The following TMEM47 variants were observed in gnomAD, a reference collection of about 807,000 sequenced individuals.
The protein encoded by TMEM47 is transmembrane protein 47, also known as brain cell membrane protein 1.
TMEM47 carries 3 observed loss-of-function variants against 12.4 expected under a neutral mutation model. The ratio of observed to expected loss-of-function variants is 0.24; its 90% CI spans 0.11 to 0.63. The LOEUF (loss-of-function observed/expected upper bound fraction) is 0.63, where lower values mean the gene tolerates loss of function less well. Ranked by LOEUF, TMEM47 falls within the 20% of genes least tolerant of loss-of-function variation. The probability of loss-of-function intolerance (pLI) is 0.86; values close to 1 mark genes in which losing one functional copy is unlikely to be tolerated. For synonymous variants in TMEM47, 62 were observed against 63.3 expected (o/e 0.98, Z 0.10); for missense variants, 89 against 143.8 (o/e 0.62, Z 1.95).
intron 2 of TMEM47, among the ~76,000 whole-genome samples, chrX:34,635,756 C>T: frequency 9.0e-6 from 1 of 111,169 alleles, no homozygotes; most frequent in Middle Eastern, 4.7e-3. Flanking sequence ...AGGGGAAGAC[C>T]AAATTTGGGG....
At chrX:34,631,448 C>T (rs915748370) in intron 2 of TMEM47, among the ~76,000 whole-genome samples, 1 of 111,327 alleles carries the variant, frequency 9.0e-6, no homozygotes, top group Admixed American at 9.6e-5. Context: ...CCACTCTATG[C>T]CTCTTGTCTT....
In TMEM47 at chrX:34,630,385, A is replaced by T; in HGVS notation, c.474T>A (p.Gly158=). ...CACCCCCAAACGAAAATATAGTTGC[A>T]CCCCAGGCCAGGCCATAACCCCAGT... ...EFNWGYGLAW[G]ATIFSFGGAI... is the part of the protein sequence containing the mutation. Residue 158 remains glycine (G), a synonymous_variant, in exon 3 of 3, where the codon GGT becomes GGA. Transcript: ENST00000275954. The T allele has an allele frequency of 8.3e-7, 1 of 1,210,076 alleles. No homozygotes were observed. Among genetic ancestry groups the T allele is most frequent in the Non-Finnish European group, 1.1e-6 (1 of 894,704 alleles).
In TMEM47 at chrX:34,653,119, T is replaced by C. The variant is rs556115084; in HGVS notation, c.226+3685A>G. Among the ~76,000 whole-genome samples the C allele has an allele frequency of 1.5e-4, 17 of 112,044 alleles. No homozygotes were observed. In the South Asian group the frequency reaches 6.3e-3, roughly 42 times the overall value. Reference sequence around the variant, plus strand: ...TATCTTTAACACCTAAGATAGGCTTTCTTATAAATTCCTTTTAAAGTAGCT... The same window carrying C: ...TATCTTTAACACCTAAGATAGGCTTCCTTATAAATTCCTTTTAAAGTAGCT... On this transcript the variant is annotated intron_variant, in intron 1 of 2. Transcript: ENST00000275954.
rs1033322355 is a variant in TMEM47, at chrX:34,627,690, T to G, written c.*2623A>C. ...GTGTGTGAGTATATATATGTGTGTA[T>G]ATCTATATCTATAGATGTAGATCTA... On this transcript the variant is annotated 3_prime_UTR_variant, in exon 3 of 3. Coordinates refer to ENST00000275954, the MANE Select transcript of TMEM47 (RefSeq NM_031442.4). 2.7e-4 allele frequency: 30 copies of G among 112,247 alleles called. No homozygotes were observed. The highest frequency in any genetic ancestry group is 7.1e-4 in the African/African-American group (22 of 30,919). 9.3% of individuals were successfully genotyped at this position (112,247 alleles called of 1,213,427 possible). A position where few individuals can be genotyped will look rare whatever the true frequency, so the allele number is the denominator to read the frequency against.
Position 34,629,806 on chromosome X carries a change from C to T in TMEM47, c.*507G>A. 1 of 112,037 alleles carries T rather than the reference C, an allele frequency of 8.9e-6. No individual in the cohort carries two copies. The highest frequency in any genetic ancestry group is 4.6e-3 in the Middle Eastern group (1 of 219). The allele number at this position is 112,037 out of a possible 1,213,427, so 9.2% of individuals were successfully genotyped here. On this transcript the variant is annotated 3_prime_UTR_variant, in exon 3 of 3. Coordinates refer to ENST00000275954, the MANE Select transcript of TMEM47 (RefSeq NM_031442.4). Reference sequence around the variant, plus strand: ...TATCATTAACCAGTTACATTCACAACTCCCATTAGATGCTGAAGGGCAGTT... The same window carrying T: ...TATCATTAACCAGTTACATTCACAATTCCCATTAGATGCTGAAGGGCAGTT...
chrX:34,642,987 G>A (rs188987022), intron 1 of TMEM47, among the ~76,000 whole-genome samples: 240 of 111,796 alleles, frequency 2.1e-3, no homozygotes, highest in Middle Eastern at 9.3e-3. Context: ...GGCTATCATA[G>A]TCAAGGAGGT....
chrX:34,656,654 G>T lies in TMEM47; in HGVS notation c.226+150C>A. 2.9e-6 allele frequency: 3 copies of T among 1,040,639 alleles called. No homozygotes were observed. In the South Asian group the frequency reaches 7.3e-5, roughly 25 times the overall value. The allele number at this position is 1,040,639 out of a possible 1,213,427, so 85.8% of individuals were successfully genotyped here. ...GGGGTGGATGCCAGGGAGGTGGCGGGAGCCCCAGGATCCGAGAAGGGCCTG... is the reference window on the plus strand; with the variant it reads ...GGGGTGGATGCCAGGGAGGTGGCGGTAGCCCCAGGATCCGAGAAGGGCCTG... On this transcript the variant is annotated intron_variant, in intron 1 of 2. Coordinates refer to ENST00000275954, the MANE Select transcript of TMEM47 (RefSeq NM_031442.4).
intron 2 of TMEM47, among the ~76,000 whole-genome samples, chrX:34,638,005 A>G (rs1921747207): frequency 9.0e-6 from 1 of 110,919 alleles, no homozygotes; most frequent in Admixed American, 9.7e-5. Context: ...TGGGACTAAG[A>G]CTTCAAAATA....
intron 1 of TMEM47, 43 bp from the exon 2 acceptor site, chrX:34,639,430 A>G (rs1358109725): frequency 8.6e-6 from 10 of 1,158,354 alleles, no homozygotes; most frequent in Non-Finnish European, 1.2e-5. Context: ...TAAGTCCTCA[A>G]AGAATCAACA....
chrX:34,641,774 T>C (rs961152113), intron 1 of TMEM47, among the ~76,000 whole-genome samples: 1 of 112,756 alleles, frequency 8.9e-6, no homozygotes, highest in African/African-American at 3.2e-5. Flanking sequence ...TTATGGTCTC[T>C]GTTGTACCCA....
rs1158255735 is a variant in TMEM47, at chrX:34,657,170, C to G, written c.-141G>C. The G allele has an allele frequency of 7.4e-6, 7 of 951,083 alleles. No homozygotes were observed. Among genetic ancestry groups the G allele is most frequent in the Non-Finnish European group, 9.3e-6 (7 of 756,251 alleles). 78.4% of individuals were successfully genotyped at this position (951,083 alleles called of 1,213,427 possible). ...CGCTCCCTCGGGGCTCTGCGCGCCC[C>G]CTGCCGCGCGGCCAAGGTGGGTCTG... On this transcript the variant is annotated 5_prime_UTR_variant, in exon 1 of 3. Coordinates refer to ENST00000275954, the MANE Select transcript of TMEM47 (RefSeq NM_031442.4).
In TMEM47 at chrX:34,639,229, A is replaced by G. The variant is rs1390971525; in HGVS notation, c.367+18T>C. 1 of 1,173,357 alleles carries G rather than the reference A, an allele frequency of 8.5e-7. No individual in the cohort carries two copies. The highest frequency in any genetic ancestry group is 3.2e-5 in the East Asian group (1 of 31,456). ...CATGAAACTTTAATACTCATTTGAA[A>G]GTAATGAATCTGTTTACCTGCTGCA... On this transcript the variant is annotated intron_variant, in intron 2 of 2. Transcript: ENST00000275954.
In TMEM47 at chrX:34,634,031, A is replaced by G. The variant is rs371118606; in HGVS notation, c.368-3540T>C. Among the ~76,000 whole-genome samples, 5 of 111,643 alleles carry G rather than the reference A, an allele frequency of 4.5e-5. No homozygotes were observed. The East Asian group carries it at 1.1e-3, about 25-fold the overall frequency. On this transcript the variant is annotated intron_variant, in intron 2 of 2. Transcript: ENST00000275954. ...ATAAAATTCACAGATGTAGGTAAAAATGCCTCCTTGCCTTTCATAGATGCT... is the reference window on the plus strand; with the variant it reads ...ATAAAATTCACAGATGTAGGTAAAAGTGCCTCCTTGCCTTTCATAGATGCT...
intron 1 of TMEM47, among the ~76,000 whole-genome samples, chrX:34,650,253 C>A (rs1410984777): frequency 8.9e-6 from 1 of 111,756 alleles, no homozygotes; most frequent in Non-Finnish European, 1.9e-5. Context: ...CAGTCCTTCA[C>A]CTCTTCATCC....
chrX:34,644,282 A>G (rs1921870811), intron 1 of TMEM47, among the ~76,000 whole-genome samples: 1 of 111,838 alleles, frequency 8.9e-6, no homozygotes, highest in African/African-American at 3.3e-5. Flanking sequence ...CAATGTCTAT[A>G]AACAGTTTAG....
rs1447850317 is a variant in TMEM47 at position 34,627,142 on chromosome X, G to A, written c.*3171C>T. ...ACTTCATGTCAACTACAAAAATCAT[G>A]AAATGAAGAACTGATTGTGAAACTG... On this transcript the variant is annotated 3_prime_UTR_variant, in exon 3 of 3. Transcript: ENST00000275954. 3 of 111,210 alleles carry A rather than the reference G, an allele frequency of 2.7e-5. No individual in the cohort carries two copies. The highest frequency in any genetic ancestry group is 3.8e-5 in the Non-Finnish European group (2 of 52,960). 9.2% of individuals were successfully genotyped at this position (111,210 alleles called of 1,213,427 possible).
chrX:34,644,541 C>T (rs1041717609), intron 1 of TMEM47, among the ~76,000 whole-genome samples: 3 of 111,949 alleles, frequency 2.7e-5, no homozygotes, highest in Non-Finnish European at 3.8e-5. Context: ...AAGCTTTCTG[C>T]CTCCACTCAC....
intron 2 of TMEM47, 25 bp downstream of exon 2, chrX:34,639,222 A>G: frequency 5.1e-6 from 6 of 1,169,520 alleles, no homozygotes; most frequent in Non-Finnish European, 5.7e-6. Flanking sequence ...TTTAATACTC[A>G]TTTGAAAGTA....
intron 2 of TMEM47, among the ~76,000 whole-genome samples, chrX:34,637,925 T>C (rs1022342749): frequency 2.7e-4 from 30 of 110,483 alleles, no homozygotes; most frequent in Non-Finnish European, 5.1e-4. Context: ...TGTAATGGTG[T>C]GCTGTCGGCT....
Sources: allele counts gnomAD v4.1 joint callset (sites outside exome capture counted in the v4.1 genomes callset), GRCh38; gene constraint gnomAD v4.1.1; transcripts MANE v1.5; gene names NCBI Gene and HGNC (gene_info 2026-07-23, HGNC 2026-07-21).